The following ZNF124 variants were observed in gnomAD, a reference collection of about 807,000 sequenced individuals.
ZNF124 encodes the protein zinc finger protein HZF-16.
In ZNF124, 25 loss-of-function variants were observed where a neutral mutation model predicts 26.6. The observed-to-expected ratio is 0.94, with a 90% confidence interval of 0.68 to 1.31. The LOEUF (loss-of-function observed/expected upper bound fraction) is 1.31. Among genes scored for constraint, ZNF124 ranks in the 40% most tolerant of loss-of-function variants. The probability of loss-of-function intolerance (pLI) is 0.00; values close to 1 mark genes in which losing one functional copy is unlikely to be tolerated. For missense variants in ZNF124, 444 were observed against 422.2 expected (o/e 1.05, Z -0.45); for synonymous variants, 129 against 133.3 (o/e 0.97, Z 0.22).
intron 3 of ZNF124, among the ~76,000 whole-genome samples, chr1:247,140,980 C>T (rs1160808706): frequency 6.6e-6 from 1 of 152,172 alleles, no homozygotes; most frequent in East Asian, 1.9e-4. Context: ...GCTTATGTTC[C>T]TCCCCTGGCT....
At chr1:247,126,030 G>C (rs956491812) in intron 3 of ZNF124, among the ~76,000 whole-genome samples, 5 of 91,778 alleles carry the variant, frequency 5.4e-5, no homozygotes, top group Admixed American at 3.8e-4. Flanking sequence ...TTGGGAGGCT[G>C]AGGTGGGCGG....
At chr1:247,128,874 C>T (rs995539820) in intron 3 of ZNF124, among the ~76,000 whole-genome samples, 2 of 144,734 alleles carry the variant, frequency 1.4e-5, no homozygotes, top group Non-Finnish European at 3.1e-5. Flanking sequence ...TTGAGTACTT[C>T]CCCCAGCAGG....
At chr1:247,138,589 T>A (rs1263957042) in intron 3 of ZNF124, 1 of 392,012 alleles carries the variant, frequency 2.6e-6, no homozygotes, top group African/African-American at 2.1e-5. Context: ...TTCGTTTGTT[T>A]TAGAAGAAAT....
At chr1:247,126,263 T>C (rs1016430263) in intron 3 of ZNF124, among the ~76,000 whole-genome samples, 6 of 129,418 alleles carry the variant, frequency 4.6e-5, no homozygotes, top group Non-Finnish European at 6.4e-5. Flanking sequence ...AGAAGAGCTG[T>C]AGCCAGAACG....
chr1:247,171,087 C>T (rs1370952845), intron 1 of ZNF124, among the ~76,000 whole-genome samples: 1 of 15,090 alleles, frequency 6.6e-5, no homozygotes, highest in East Asian at 1.4e-3. Flanking sequence ...AAACTTAACC[C>T]CAAATCAGCA....
At chr1:247,161,343 A>G (rs993087017) in intron 1 of ZNF124, among the ~76,000 whole-genome samples, 1 of 152,186 alleles carries the variant, frequency 6.6e-6, no homozygotes, top group Admixed American at 6.6e-5. Flanking sequence ...CACTTTAAAC[A>G]TGGAACAAAG....
At position 247,147,687 on chromosome 1, in the gene ZNF124, T is replaced by A. The variant is rs115746079; in HGVS notation, c.218+11319A>T. Among the ~76,000 whole-genome samples the A allele has an allele frequency of 6.7e-3, 1,014 of 152,310 alleles. 3 individuals carry two copies. Among genetic ancestry groups the A allele is most frequent in the Non-Finnish European group, 0.01 (681 of 68,016 alleles). The stretch of plus-strand genomic sequence containing the variant: ...GCATATCAGAGTGTAAAGGTTCTCA[T>A]GATAAAGACTGACCTGCCCTCTGTG... On this transcript the variant is annotated intron_variant, in intron 3 of 3. Transcript: ENST00000472531.
At chr1:247,143,056 ATG>A (rs1440182326) in intron 3 of ZNF124, among the ~76,000 whole-genome samples, 79 of 152,282 alleles carry the variant, frequency 5.2e-4, no homozygotes, top group Non-Finnish European at 1.0e-4. Context: ...AAGAATCTGC[ATG>A]TGAGAGAGAG....
intron 3 of ZNF124, among the ~76,000 whole-genome samples, chr1:247,148,777 G>A (rs1427619071): frequency 4.0e-5 from 6 of 150,976 alleles, no homozygotes; most frequent in Middle Eastern, 3.2e-3. Context: ...TGGCTAACAC[G>A]GTGAAACCCC....
chr1:247,147,624 G>A (rs1315962712), intron 3 of ZNF124, among the ~76,000 whole-genome samples: 1 of 152,156 alleles, frequency 6.6e-6, no homozygotes, highest in East Asian at 1.9e-4. Flanking sequence ...AGACACCTCT[G>A]TCTTTGCAGC....
intron 3 of ZNF124, among the ~76,000 whole-genome samples, chr1:247,130,239 C>A (rs1368631090): frequency 6.6e-6 from 1 of 152,132 alleles, no homozygotes; most frequent in African/African-American, 2.4e-5. Context: ...TCATATATTT[C>A]ATTTGTTAAA....
Position 247,135,680 on chromosome 1 carries a change from A to T in ZNF124, c.219-11809T>A, listed in dbSNP as rs1411708869. 2.6e-5 allele frequency among the ~76,000 whole-genome samples: 4 copies of T among 152,298 alleles called. No individual in the cohort carries two copies. In the South Asian group the frequency reaches 8.3e-4, roughly 32 times the overall value. On this transcript the variant is annotated intron_variant, in intron 3 of 3. Transcript: ENST00000472531. ...AGGACTCCTCCCTAACTCGTTTTAT[A>T]AGGCTAGCATCATCCTGATACCAAA...
chr1:247,148,686 C>T lies in ZNF124; in HGVS notation c.218+10320G>A, dbSNP rs1326371378. On this transcript the variant is annotated intron_variant, in intron 3 of 3. Transcript: ENST00000472531. Reference sequence around the variant, plus strand: ...AAGAAATCCCAGTGCTTTGGCAGGGCACGGTGGCTCACGCCTGTAATCCCA... The same window carrying T: ...AAGAAATCCCAGTGCTTTGGCAGGGTACGGTGGCTCACGCCTGTAATCCCA... Among the ~76,000 whole-genome samples the T allele has an allele frequency of 2.0e-5, 3 of 152,118 alleles. No homozygotes were observed. In the East Asian group the frequency reaches 5.8e-4, roughly 30 times the overall value.
chr1:247,160,023 G>A (rs962264398), intron 1 of ZNF124, among the ~76,000 whole-genome samples: 2 of 113,646 alleles, frequency 1.8e-5, no homozygotes, highest in African/African-American at 7.1e-5. Context: ...GTCTCACTCT[G>A]TTGCCAGGCT....
chr1:247,133,653 CTT>C (rs1163588323), intron 3 of ZNF124, among the ~76,000 whole-genome samples: 21 of 127,132 alleles, frequency 1.7e-4, no homozygotes, highest in Admixed American at 8.1e-5. Context: ...ATTCAATATT[CTT>C]TTTTTTTTTT....
chr1:247,128,918 G>C (rs866543312), intron 3 of ZNF124, among the ~76,000 whole-genome samples: 4,792 of 128,620 alleles, frequency 0.037, 120 homozygotes, highest in Middle Eastern at 0.1. Flanking sequence ...TGAGAGGGAG[G>C]GTGGACATTG....
rs1368860283 is a variant in ZNF124 at position 247,159,079 on chromosome 1, C to T, written c.158-13G>A. ...TCCCCTTTGTTTCCTAAAATGTAGA[C>T]CCAGAAATATATTACAAATTATTTG... is the stretch of plus-strand genomic sequence containing the variant. On this transcript the variant is annotated splice_polypyrimidine_tract_variant and intron_variant, in intron 2 of 3. Coordinates refer to ENST00000543802, the MANE Select transcript of ZNF124 (RefSeq NM_001297568.2). The T allele has an allele frequency of 2.5e-6, 4 of 1,604,804 alleles. No homozygotes were observed. The highest frequency in any genetic ancestry group is 8.5e-7 in the Non-Finnish European group (1 of 1,176,212).
intron 3 of ZNF124, among the ~76,000 whole-genome samples, chr1:247,142,089 T>C (rs1436806436): frequency 6.6e-6 from 1 of 152,178 alleles, no homozygotes; most frequent in Non-Finnish European, 1.5e-5. Flanking sequence ...GAGCTCCTTC[T>C]GGGAGAAAGA....
At chr1:247,158,268 CA>C (rs755672674) in intron 3 of ZNF124, among the ~76,000 whole-genome samples, 2 of 149,852 alleles carry the variant, frequency 1.3e-5, no homozygotes, top group African/African-American at 2.5e-5. Flanking sequence ...CAAAACAAAA[CA>C]AAAAAACCCC....
Sources: gnomAD v4.1 joint callset for allele counts (sites outside exome capture counted in the v4.1 genomes callset) on GRCh38, gnomAD v4.1.1 for gene constraint, MANE v1.5 for transcripts, NCBI Gene and HGNC (gene_info 2026-07-23, HGNC 2026-07-21) for gene names.